ELOVL6: variants seen among roughly 807,000 people sequenced by gnomAD.
The protein encoded by ELOVL6 is ELOVL fatty acid elongase 6, also known as very long chain fatty acid elongase 6.
In ELOVL6, 8 loss-of-function variants were observed where a neutral mutation model predicts 31.7. The ratio of observed to expected loss-of-function variants is 0.25; its 90% CI spans 0.15 to 0.45. The LOEUF is 0.45. Among genes scored for constraint, ELOVL6 ranks in the 20% least tolerant of loss-of-function variants. ELOVL6 has a pLI of 1.00. For missense variants in ELOVL6, 126 were observed against 326.4 expected (o/e 0.39, Z 4.73); for synonymous variants, 101 against 117.7 (o/e 0.86, Z 0.92).
At chr4:110,101,595 AT>A (rs1417144112) in intron 2 of ELOVL6, among the ~76,000 whole-genome samples, 2 of 152,200 alleles carry the variant, frequency 1.3e-5, no homozygotes, top group East Asian at 1.9e-4. Context: ...CACATCACAA[AT>A]TTTTTTTCTT....
chr4:110,180,990 T>C (rs1444611403), intron 1 of ELOVL6, among the ~76,000 whole-genome samples: 1 of 152,066 alleles, frequency 6.6e-6, no homozygotes, highest in Non-Finnish European at 1.5e-5. Context: ...TTTAAGAATT[T>C]AGCTGGGTGT....
chr4:110,104,610 T>A (rs890986915), intron 2 of ELOVL6, among the ~76,000 whole-genome samples: 6 of 152,220 alleles, frequency 3.9e-5, no homozygotes, highest in Non-Finnish European at 5.9e-5. Context: ...TTTATAAATA[T>A]GAAAATTAAT....
At chr4:110,085,353 A>G (rs190243459) in intron 2 of ELOVL6, among the ~76,000 whole-genome samples, 4 of 152,350 alleles carry the variant, frequency 2.6e-5, no homozygotes, top group Admixed American at 6.5e-5. Flanking sequence ...GGTTACCAGA[A>G]CACTGCTATC....
At chr4:110,125,704 G>A (rs1305480251) in intron 1 of ELOVL6, among the ~76,000 whole-genome samples, 1 of 151,834 alleles carries the variant, frequency 6.6e-6, no homozygotes, top group African/African-American at 2.4e-5. Context: ...GCATACGCCT[G>A]TAGTCCCAGC....
intron 1 of ELOVL6, among the ~76,000 whole-genome samples, chr4:110,105,959 A>T (rs1756878695): frequency 1.3e-5 from 2 of 152,236 alleles, no homozygotes; most frequent in African/African-American, 2.4e-5. Context: ...TATTCTTTAG[A>T]GTTTGTTGAG....
At chr4:110,172,657 C>T (rs1333254831) in intron 1 of ELOVL6, among the ~76,000 whole-genome samples, 1 of 152,186 alleles carries the variant, frequency 6.6e-6, no homozygotes, top group Admixed American at 6.5e-5. Flanking sequence ...GAATACCCTT[C>T]TTCTTAAGAA....
intron 1 of ELOVL6, among the ~76,000 whole-genome samples, chr4:110,158,037 A>G (rs1758504103): frequency 2.0e-5 from 3 of 152,256 alleles, no homozygotes; most frequent in South Asian, 4.1e-4. Context: ...GTTCATGGAT[A>G]TAGTACATTG....
chr4:110,185,822 C>A (rs1005754326), intron 1 of ELOVL6, among the ~76,000 whole-genome samples: 1 of 142,570 alleles, frequency 7.0e-6, no homozygotes, highest in Non-Finnish European at 1.6e-5. Context: ...CAATCAGCCA[C>A]TCCATGTATA....
intron 1 of ELOVL6, among the ~76,000 whole-genome samples, chr4:110,148,487 T>G (rs1578261454): frequency 5.5e-5 from 7 of 126,268 alleles, no homozygotes; most frequent in Admixed American, 8.4e-5. Flanking sequence ...CAGAAGGGGG[T>G]TGTGCGGGGG....
chr4:110,057,853 GGAAAAA>G (rs1377872705), intron 3 of ELOVL6, among the ~76,000 whole-genome samples: 18 of 90,924 alleles, frequency 2.0e-4, no homozygotes, highest in African/African-American at 1.1e-3. Context: ...TCTGTCTCAG[GGAAAAA>G]AAAAAAAAAA....
rs1349099503 is a variant in ELOVL6, at chr4:110,051,280, T to A, written c.*58A>T. ...ACGTGTGATTCCTTGTGCCATTTTC[T>A]TTTGTCTATTATTTTTCTTGATGAC... On this transcript the variant is annotated 3_prime_UTR_variant, in exon 4 of 4. Coordinates refer to ENST00000302274, the MANE Select transcript of ELOVL6 (RefSeq NM_024090.3). The surrounding 1 kb of genome is among the most constrained non-coding windows in gnomAD (Gnocchi z 4.8). The A allele has an allele frequency of 1.0e-5, 16 of 1,540,790 alleles. No homozygotes were observed. The highest frequency in any genetic ancestry group is 1.2e-5 in the Non-Finnish European group (14 of 1,135,284).
chr4:110,130,445 A>G (rs895903782), intron 1 of ELOVL6, among the ~76,000 whole-genome samples: 1 of 152,182 alleles, frequency 6.6e-6, no homozygotes, highest in African/African-American at 2.4e-5. Context: ...ACAAAAACAA[A>G]AAGCTGTCCT....
At chr4:110,088,583 A>T (rs1756335345) in intron 2 of ELOVL6, among the ~76,000 whole-genome samples, 1 of 152,182 alleles carries the variant, frequency 6.6e-6, no homozygotes, top group Non-Finnish European at 1.5e-5. Context: ...GGCAACCTTA[A>T]CATATAGTAT....
chr4:110,126,924 C>G (rs1029164207), intron 1 of ELOVL6, among the ~76,000 whole-genome samples: 2 of 151,232 alleles, frequency 1.3e-5, no homozygotes, highest in African/African-American at 4.9e-5. Flanking sequence ...ACATGCATAT[C>G]AAAATTAATT....
intron 1 of ELOVL6, among the ~76,000 whole-genome samples, chr4:110,139,286 T>TATTTGAGTAAGAATTGGATAC (rs1471317804): frequency 6.6e-6 from 1 of 152,206 alleles, no homozygotes; most frequent in Admixed American, 6.5e-5. Flanking sequence ...AATACATTTT[T>TATTTGAGTAAGAATTGGATAC]ATTTGAGTAA....
At chr4:110,172,416 T>C (rs1404050092) in intron 1 of ELOVL6, among the ~76,000 whole-genome samples, 1 of 152,240 alleles carries the variant, frequency 6.6e-6, no homozygotes, top group Non-Finnish European at 1.5e-5. Context: ...TGTAGGAACT[T>C]AATTCTTATA....
intron 1 of ELOVL6, among the ~76,000 whole-genome samples, chr4:110,185,516 ATACT>A (rs1448237330): frequency 1.3e-5 from 2 of 152,334 alleles, no homozygotes; most frequent in Admixed American, 1.3e-4. Flanking sequence ...CTAGTAGGTA[ATACT>A]TAATTGTTCA....
intron 1 of ELOVL6, among the ~76,000 whole-genome samples, chr4:110,141,657 G>GTA (rs905135459): frequency 1.6e-4 from 23 of 147,714 alleles, no homozygotes; most frequent in Middle Eastern, 3.6e-3. Context: ...TATTGTATTA[G>GTA]TATATATATA....
chr4:110,146,003 TA>T (rs1295819702), intron 1 of ELOVL6, among the ~76,000 whole-genome samples: 1 of 152,094 alleles, frequency 6.6e-6, no homozygotes, highest in African/African-American at 2.4e-5. Context: ...AAAACTATTC[TA>T]AAGTTCATAT....
Sources: allele counts gnomAD v4.1 joint callset (sites outside exome capture counted in the v4.1 genomes callset), GRCh38; gene constraint gnomAD v4.1.1; non-coding constraint Gnocchi (gnomAD v3.1); transcripts MANE v1.5; gene names NCBI Gene and HGNC (gene_info 2026-07-23, HGNC 2026-07-21).